NRROS: variants seen among roughly 807,000 people sequenced by gnomAD.
NRROS encodes transforming growth factor beta activator LRRC33.
NRROS carries 6 observed loss-of-function variants against 12.0 expected under a neutral mutation model. The observed-to-expected ratio is 0.50, with a 90% CI of 0.27 to 0.98. The LOEUF (loss-of-function observed/expected upper bound fraction) is 0.98, where lower values mean the gene tolerates loss of function less well. NRROS is among the 50% of genes least tolerant of loss of function. The pLI is 0.11. For missense variants in NRROS, 857 were observed against 888.2 expected (o/e 0.96, Z 0.45); for synonymous variants, 462 against 410.2 (o/e 1.13, Z -1.53).
Position 196,661,545 on chromosome 3 carries a change from C to T in NRROS, c.1902C>T (p.Pro634=), listed in dbSNP as rs62636584. 4.9e-3 allele frequency: 7,889 copies of T among 1,613,932 alleles called. 320 individuals carry two copies. In the African/African-American group the frequency reaches 0.086, roughly 18 times the overall value. The change falls in exon 3 of 3, where the codon CCC becomes CCT. Residue 634 remains proline (P), a synonymous_variant. Coordinates refer to ENST00000328557, the MANE Select transcript of NRROS (RefSeq NM_198565.3). ...AGATCATCCGCGTGACGGAGCTGCCCGGAGGTGTGCCTCGGGACTGCAAGT... is the reference window on the plus strand; with the variant it reads ...AGATCATCCGCGTGACGGAGCTGCCTGGAGGTGTGCCTCGGGACTGCAAGT... ...SSKIIRVTEL[P]GGVPRDCKWE...
intron 1 of NRROS, among the ~76,000 whole-genome samples, chr3:196,650,630 C>T (rs1040056949): frequency 6.6e-6 from 1 of 152,214 alleles, no homozygotes; most frequent in African/African-American, 2.4e-5. Flanking sequence ...AGCGGCTGTA[C>T]GTTCTTCTTC....
At position 196,661,870 on chromosome 3, in the gene NRROS, C is replaced by G; in HGVS notation, c.*148C>G. 1 of 540,910 alleles carries G rather than the reference C, an allele frequency of 1.8e-6. No homozygotes were observed. The highest frequency in any genetic ancestry group is 3.1e-5 in the East Asian group (1 of 32,696). 33.5% of individuals were successfully genotyped at this position (540,910 alleles called of 1,614,324 possible). ...TGTTTCCATTCCTCATCGCCCACCC[C>G]ACCCCCGCCCCCACCACCGCCCAAG... On this transcript the variant is annotated 3_prime_UTR_variant, in exon 3 of 3. Transcript: ENST00000328557.
chr3:196,645,762 C>T (rs1220544652), intron 1 of NRROS, among the ~76,000 whole-genome samples: 1 of 152,162 alleles, frequency 6.6e-6, no homozygotes, highest in African/African-American at 2.4e-5. Flanking sequence ...CCGCTGTCAT[C>T]ACCCATAAAA....
intron 1 of NRROS, among the ~76,000 whole-genome samples, chr3:196,643,715 G>C (rs1737251567): frequency 6.6e-6 from 1 of 152,226 alleles, no homozygotes; most frequent in African/African-American, 2.4e-5. Flanking sequence ...CTCCATTTCA[G>C]ATGTCAACTG....
intron 1 of NRROS, among the ~76,000 whole-genome samples, chr3:196,646,459 C>T (rs947060375): frequency 1.3e-5 from 2 of 152,258 alleles, no homozygotes; most frequent in African/African-American, 2.4e-5. Flanking sequence ...GAGGTGTCAC[C>T]TCCCAGTGGG....
At chr3:196,646,337 A>G (rs576304265) in intron 1 of NRROS, among the ~76,000 whole-genome samples, 1 of 152,374 alleles carries the variant, frequency 6.6e-6, no homozygotes, top group East Asian at 1.9e-4. Flanking sequence ...AAGGGAAATC[A>G]GATGCTAATG....
In NRROS at chr3:196,654,704, C is replaced by G; in HGVS notation, c.108+57C>G. On this transcript the variant is annotated intron_variant, in intron 2 of 2. Transcript: ENST00000328557. This position sits in a 1 kb window ranked among gnomAD's most constrained non-coding sequence, Gnocchi z 4.4. ...TGCTCCTGTCCTGACAAGGCTTGGT[C>G]CATTTGGAAAGCTGACAGATTGTCC... 1 of 1,098,782 alleles carries G rather than the reference C, an allele frequency of 9.1e-7. No homozygotes were observed. The highest frequency in any genetic ancestry group is 1.4e-5 in the South Asian group (1 of 70,724). 68.1% of individuals were successfully genotyped at this position (1,098,782 alleles called of 1,614,324 possible). A position where few individuals can be genotyped will look rare whatever the true frequency, so the allele number is the denominator to read the frequency against.
intron 2 of NRROS, among the ~76,000 whole-genome samples, chr3:196,658,216 G>A (rs1016871591): frequency 1.3e-5 from 2 of 152,190 alleles, no homozygotes; most frequent in African/African-American, 4.8e-5. Context: ...ATTGACAGGG[G>A]GAGAAAAATA....
intron 2 of NRROS, among the ~76,000 whole-genome samples, chr3:196,658,030 C>T (rs962378993): frequency 1.4e-4 from 21 of 152,298 alleles, no homozygotes; most frequent in Middle Eastern, 6.8e-3. Context: ...AGGTCTCTTT[C>T]GGTTCCGTAA....
In NRROS at chr3:196,660,868, C is replaced by T. The variant is rs1737658250; in HGVS notation, c.1225C>T (p.Leu409=). The change falls in exon 3 of 3, where the codon CTG becomes TTG. Residue 409 remains leucine (L), a synonymous_variant. Coordinates refer to ENST00000328557, the MANE Select transcript of NRROS (RefSeq NM_198565.3). The surrounding 1 kb of genome is among the most constrained non-coding windows in gnomAD (Gnocchi z 7.7). ...CCTGGGCAGCCTGCGCTTGTTCAAC[C>T]TGAGCTCCAACCAGCTCCTGGGCGT... The part of the protein sequence containing the change: ...SCLGSLRLFN[L]SSNQLLGVPP... The T allele has an allele frequency of 1.2e-6, 2 of 1,613,924 alleles. No individual in the cohort carries two copies. The highest frequency in any genetic ancestry group is 1.1e-5 in the South Asian group (1 of 91,086).
At chr3:196,648,734 C>T (rs1737355962) in intron 1 of NRROS, among the ~76,000 whole-genome samples, 1 of 141,900 alleles carries the variant, frequency 7.0e-6, no homozygotes, top group South Asian at 2.2e-4. Context: ...CCATTGCACT[C>T]CAGCCTGGGC....
rs367781983 is a variant in NRROS, at chr3:196,657,960, GAA to G, written c.109-1785_109-1784del. Reference sequence around the variant, plus strand: ...CACCTCAACAGTCACACTTGATCCTGAAAAAAAACGCTATGCGAAAATGACGA... The same window carrying G: ...CACCTCAACAGTCACACTTGATCCTGAAAAAACGCTATGCGAAAATGACGA... On this transcript the variant is annotated intron_variant, in intron 2 of 2. Coordinates refer to ENST00000328557, the MANE Select transcript of NRROS (RefSeq NM_198565.3). 9.3e-3 allele frequency among the ~76,000 whole-genome samples: 1,411 copies of G among 151,838 alleles called. 14 individuals are homozygous for G. The highest frequency in any genetic ancestry group is 0.033 in the African/African-American group (1,348 of 41,380).
chr3:196,653,420 G>T (rs199866554), intron 1 of NRROS, among the ~76,000 whole-genome samples: 1 of 151,762 alleles, frequency 6.6e-6, no homozygotes, highest in Non-Finnish European at 1.5e-5. Context: ...GCCCCTGAGT[G>T]GCTGGAGCGA....
intron 1 of NRROS, among the ~76,000 whole-genome samples, chr3:196,649,617 G>A (rs368167778): frequency 1.4e-4 from 21 of 152,116 alleles, no homozygotes; most frequent in African/African-American, 4.8e-4. Context: ...GACTACAGGC[G>A]CCCGCCACCG....
intron 1 of NRROS, among the ~76,000 whole-genome samples, chr3:196,646,727 C>T (rs541285220): frequency 3.9e-5 from 6 of 152,202 alleles, no homozygotes; most frequent in Non-Finnish European, 8.8e-5. Flanking sequence ...AATCCCCCCC[C>T]GATGGAGGCA....
intron 1 of NRROS, among the ~76,000 whole-genome samples, chr3:196,642,550 T>C (rs1359818113): frequency 3.9e-5 from 6 of 152,170 alleles, no homozygotes; most frequent in Admixed American, 6.5e-5. Flanking sequence ...TTCCATGAGT[T>C]CTAGCAACTG....
chr3:196,640,361 T>C (rs1737184491), intron 1 of NRROS, among the ~76,000 whole-genome samples: 1 of 152,196 alleles, frequency 6.6e-6, no homozygotes, highest in African/African-American at 2.4e-5. Context: ...TGAGAACCAC[T>C]ATCTCATAGA....
rs368543951 is a variant in NRROS at position 196,660,077 on chromosome 3, C to T, written c.434C>T (p.Thr145Met). The change falls in exon 3 of 3, where the codon ACG (threonine) becomes ATG (methionine). Residue 145 changes from threonine to methionine, a missense_variant. By Grantham distance (81) the Thr-to-Met change is moderately conservative (BLOSUM62 -1). Coordinates refer to ENST00000328557, the MANE Select transcript of NRROS (RefSeq NM_198565.3). This position sits in a 1 kb window ranked among gnomAD's most constrained non-coding sequence, Gnocchi z 7.7. ...CTGGACTTGTCAGGAAACGCCCTGA[C>T]GGAGGACATGGCAGCCCTCATGCTC... Reference protein sequence around the residue: ...RRLDLSGNALTEDMAALMLQN... With the variant: ...RRLDLSGNALMEDMAALMLQN... 3 of 1,613,320 alleles carry T rather than the reference C, an allele frequency of 1.9e-6. No homozygotes were observed. Among genetic ancestry groups the T allele is most frequent in the Non-Finnish European group, 1.7e-6 (2 of 1,179,958 alleles).
chr3:196,658,791 A>AC (rs1047914389), intron 2 of NRROS, among the ~76,000 whole-genome samples: 9 of 152,066 alleles, frequency 5.9e-5, no homozygotes, highest in Non-Finnish European at 1.2e-4. Flanking sequence ...ACATGGTGAA[A>AC]CCCCGTCTCT....
Sources: allele counts gnomAD v4.1 joint callset (sites outside exome capture counted in the v4.1 genomes callset), GRCh38; gene constraint gnomAD v4.1.1; non-coding constraint Gnocchi (gnomAD v3.1); transcripts MANE v1.5; gene names NCBI Gene and HGNC (gene_info 2026-07-23, HGNC 2026-07-21).